Variants in SLC44A5 observed in about 807,000 individuals in gnomAD.
The protein encoded by SLC44A5 is choline transporter-like protein 5.
In SLC44A5, 57 loss-of-function variants were observed where a neutral mutation model predicts 101.8. The ratio of observed to expected loss-of-function variants is 0.56; its 90% CI spans 0.45 to 0.70. The LOEUF (loss-of-function observed/expected upper bound fraction) is 0.70, where lower values mean the gene tolerates loss of function less well. Among genes scored for constraint, SLC44A5 ranks in the 30% least tolerant of loss-of-function variants. SLC44A5 has a pLI of 0.00. For missense variants in SLC44A5, 737 were observed against 853.1 expected (o/e 0.86, Z 1.70); for synonymous variants, 281 against 290.9 (o/e 0.97, Z 0.35).
chr1:75,580,777 G>C (rs548446330), intron 1 of SLC44A5, among the ~76,000 whole-genome samples: 1 of 150,446 alleles, frequency 6.6e-6, no homozygotes, highest in African/African-American at 2.4e-5. Context: ...GGCAGAGGTC[G>C]CAGTGAGCTG....
In SLC44A5 at chr1:75,242,004, G is replaced by A; in HGVS notation, c.529C>T (p.Pro177Ser). The A allele has an allele frequency of 6.2e-7, 1 of 1,611,592 alleles. No homozygotes were observed. The highest frequency in any genetic ancestry group is 1.7e-5 in the Admixed American group (1 of 59,826). ...AGGTAAAATAGTTGCCACTTACAAGGTTTGCTGGGAAAAATCGCTGTTGGA... is the reference window on the plus strand; with the variant it reads ...AGGTAAAATAGTTGCCACTTACAAGATTTGCTGGGAAAAATCGCTGTTGGA... ...DCPTAIFPSK[P>S]FLQRCFPDFS... is the part of the protein sequence containing the mutation. Residue 177 changes from proline (P) to serine (S), a missense_variant, in exon 9 of 24, where the codon CCT (proline) becomes TCT (serine). By Grantham distance (74) the Pro-to-Ser change is moderately conservative (BLOSUM62 -1). This residue lies in a region of SLC44A5 where 665 missense variants were observed against 764.4 expected (regional missense o/e 0.87). Coordinates refer to ENST00000370859, the MANE Select transcript of SLC44A5 (RefSeq NM_001130058.2).
intron 12 of SLC44A5, among the ~76,000 whole-genome samples, chr1:75,230,137 T>C (rs1443471608): frequency 1.3e-5 from 2 of 152,238 alleles, no homozygotes; most frequent in African/African-American, 2.4e-5. Context: ...CATTTTTATT[T>C]TGAAAAGTTC....
intron 2 of SLC44A5, among the ~76,000 whole-genome samples, chr1:75,459,099 G>T (rs1375236509): frequency 6.6e-6 from 1 of 152,066 alleles, no homozygotes; most frequent in South Asian, 2.1e-4. Flanking sequence ...TTTAATAAAA[G>T]TTTCATTCTT....
chr1:75,602,431 T>C (rs1458183425), intron 1 of SLC44A5, among the ~76,000 whole-genome samples: 1 of 152,284 alleles, frequency 6.6e-6, no homozygotes, highest in East Asian at 1.9e-4. Context: ...AACGTAAGAC[T>C]TTCTGAGTGG....
At chr1:75,244,023 G>A (rs1648891858) in intron 7 of SLC44A5, among the ~76,000 whole-genome samples, 1 of 151,982 alleles carries the variant, frequency 6.6e-6, no homozygotes, top group South Asian at 2.1e-4. Context: ...GCTCCTCTTT[G>A]CCTTCTGGTA....
intron 3 of SLC44A5, among the ~76,000 whole-genome samples, chr1:75,353,344 C>T (rs1658825050): frequency 6.6e-6 from 1 of 152,184 alleles, no homozygotes; most frequent in South Asian, 2.1e-4. Flanking sequence ...ACTTCTCTAA[C>T]TCAAGATATA....
chr1:75,378,793 T>A lies in SLC44A5; in HGVS notation c.52+17790A>T, dbSNP rs1402873690. ...TAAGATTACAACCTCAAACGCAGGT[T>A]AAAGAAAATAAGACCCAACCGCCAG... is the stretch of plus-strand genomic sequence containing the variant. On this transcript the variant is annotated intron_variant, in intron 3 of 23. Transcript: ENST00000370859. Among the ~76,000 whole-genome samples the A allele has an allele frequency of 1.2e-4, 10 of 80,612 alleles. 3 individuals carry two copies. The highest frequency in any genetic ancestry group is 3.7e-4 in the Admixed American group (3 of 8,196). 52.9% of individuals were successfully genotyped at this position (80,612 alleles called of 152,430 possible).
chr1:75,675,935 A>G, the SLC44A5 span, among the ~76,000 whole-genome samples: 1 of 152,240 alleles, frequency 6.6e-6, no homozygotes. Flanking sequence ...GTGGCTAACA[A>G]ACATATGAAA....
chr1:75,365,909 C>T (rs953169335), intron 3 of SLC44A5, among the ~76,000 whole-genome samples: 1 of 151,968 alleles, frequency 6.6e-6, no homozygotes, highest in South Asian at 2.1e-4. Flanking sequence ...AATCTCTATA[C>T]TTCTACTTCA....
intron 1 of SLC44A5, among the ~76,000 whole-genome samples, chr1:75,574,371 T>C (rs1673252361): frequency 6.6e-6 from 1 of 152,214 alleles, no homozygotes; most frequent in Non-Finnish European, 1.5e-5. Flanking sequence ...AATGACCTAA[T>C]AGCAAATCAT....
intron 2 of SLC44A5, among the ~76,000 whole-genome samples, chr1:75,482,630 G>A (rs181730806): frequency 3.5e-4 from 53 of 152,094 alleles, no homozygotes; most frequent in African/African-American, 7.9e-4. Flanking sequence ...TTCTTGCTCC[G>A]AAATATCAGG....
At chr1:75,507,511 AT>A (rs1250167033) in intron 2 of SLC44A5, among the ~76,000 whole-genome samples, 4 of 151,800 alleles carry the variant, frequency 2.6e-5, no homozygotes, top group Non-Finnish European at 5.9e-5. Context: ...CTGTGGTTTT[AT>A]TTTTTCATTG....
intron 4 of SLC44A5, among the ~76,000 whole-genome samples, chr1:75,336,951 C>A (rs1464492579): frequency 6.6e-6 from 1 of 152,108 alleles, no homozygotes; most frequent in Admixed American, 6.5e-5. Flanking sequence ...GGAATATAAA[C>A]CCAATATCAC....
In SLC44A5 at chr1:75,339,643, C is replaced by A. The variant is rs201099981; in HGVS notation, c.53-13G>T. The A allele has an allele frequency of 1.9e-4, 309 of 1,603,824 alleles. 1 individual carries two copies. The East Asian group carries it at 6.7e-3, about 35-fold the overall frequency. On this transcript the variant is annotated splice_polypyrimidine_tract_variant and intron_variant, in intron 3 of 23. Transcript: ENST00000370859. ...GTCCTTGGATCACCTGCATTTAAAA[C>A]AAAGACATTTTAAGCATATAAGCCA...
the SLC44A5 span, among the ~76,000 whole-genome samples, chr1:75,627,248 T>C: frequency 1.3e-5 from 2 of 152,076 alleles, no homozygotes; most frequent in Non-Finnish European, 2.9e-5. Context: ...TCTGTTTGGG[T>C]TGAGATTTTG....
chr1:75,322,275 G>A (rs185487468), intron 4 of SLC44A5, among the ~76,000 whole-genome samples: 178 of 152,184 alleles, frequency 1.2e-3, no homozygotes, highest in African/African-American at 4.0e-3. Context: ...TTGTGCCCCT[G>A]TACTGCAGTC....
chr1:75,274,013 G>A (rs1651714323), intron 6 of SLC44A5, among the ~76,000 whole-genome samples: 1 of 151,876 alleles, frequency 6.6e-6, no homozygotes, highest in Non-Finnish European at 1.5e-5. Flanking sequence ...GGACTTTTTT[G>A]TTGTCAATTT....
the SLC44A5 span, among the ~76,000 whole-genome samples, chr1:75,713,982 T>C: frequency 2.2e-5 from 3 of 134,872 alleles, no homozygotes; most frequent in African/African-American, 7.5e-5. Context: ...TTTTACTTTT[T>C]GTAGAGATGG....
intron 2 of SLC44A5, among the ~76,000 whole-genome samples, chr1:75,454,461 T>C (rs975885678): frequency 6.6e-6 from 1 of 152,036 alleles, no homozygotes; most frequent in Admixed American, 6.6e-5. Context: ...AGGCAAAAGC[T>C]GGAAACATTC....
Sources: gnomAD v4.1 joint callset for allele counts (sites outside exome capture counted in the v4.1 genomes callset) on GRCh38, gnomAD v4.1.1 for gene constraint, gnomAD v4.1.1 regional missense constraint, MANE v1.5 for transcripts, NCBI Gene and HGNC (gene_info 2026-07-23, HGNC 2026-07-21) for gene names.